The following PTPN14 variants were observed in gnomAD, a reference collection of about 807,000 sequenced individuals.
The protein encoded by PTPN14 is tyrosine-protein phosphatase non-receptor type 14.
In PTPN14, 53 loss-of-function variants were observed where a neutral mutation model predicts 126.8. That is an observed-to-expected ratio of 0.42 (90% CI 0.34 to 0.53). The LOEUF is 0.53. Among genes scored for constraint, PTPN14 ranks in the 20% least tolerant of loss-of-function variants. The pLI is 0.08. For missense variants in PTPN14, 1,257 were observed against 1,552.9 expected, an observed-to-expected ratio of 0.81 and a Z score of 3.20; for synonymous variants, 630 against 599.3, an observed-to-expected ratio of 1.05 and a Z score of -0.75.
chr1:214,456,284 G>A (rs1300158952), intron 2 of PTPN14, among the ~76,000 whole-genome samples: 1 of 152,128 alleles, frequency 6.6e-6, no homozygotes, highest in Non-Finnish European at 1.5e-5. Flanking sequence ...TATTTCAGCT[G>A]TAAATTAAGA....
At chr1:214,528,912 CAG>C in intron 1 of PTPN14, 1 of 147,986 alleles carries the variant, frequency 6.8e-6, no homozygotes, top group African/African-American at 2.5e-5. Context: ...GCCTGGGTGA[CAG>C]AGCAAGACTC....
At chr1:214,478,993 T>G (rs1398662161) in intron 1 of PTPN14, among the ~76,000 whole-genome samples, 1 of 151,464 alleles carries the variant, frequency 6.6e-6, no homozygotes, top group Non-Finnish European at 1.5e-5. Context: ...AAATACAAAA[T>G]GTACAAAATA....
At chr1:214,441,867 C>G (rs1165362040) in intron 3 of PTPN14, among the ~76,000 whole-genome samples, 1 of 152,196 alleles carries the variant, frequency 6.6e-6, no homozygotes, top group Non-Finnish European at 1.5e-5. Context: ...GACTCATGCT[C>G]TATTACAAAT....
At chr1:214,429,657 T>C (rs867937821) in intron 3 of PTPN14, among the ~76,000 whole-genome samples, 25 of 152,244 alleles carry the variant, frequency 1.6e-4, no homozygotes, top group African/African-American at 5.3e-4. Flanking sequence ...AGTAAACTTA[T>C]TGAATGCATG....
At chr1:214,454,716 T>G (rs1482506556) in intron 2 of PTPN14, among the ~76,000 whole-genome samples, 2 of 152,184 alleles carry the variant, frequency 1.3e-5, no homozygotes, top group Non-Finnish European at 2.9e-5. Flanking sequence ...ACCTAATTCA[T>G]GGCATAAATT....
chr1:214,404,619 T>C (rs924573199), intron 5 of PTPN14, among the ~76,000 whole-genome samples: 3 of 152,192 alleles, frequency 2.0e-5, no homozygotes, highest in African/African-American at 4.8e-5. Context: ...CCCTCTGCTA[T>C]TGTTCTCAAC....
At chr1:214,532,277 G>C (rs1655569408) in intron 1 of PTPN14, 1 of 461,548 alleles carries the variant, frequency 2.2e-6, no homozygotes, top group Non-Finnish European at 4.1e-6. Flanking sequence ...TCAACAGCGT[G>C]GCCAGAGCCT....
intron 1 of PTPN14, among the ~76,000 whole-genome samples, chr1:214,495,326 T>A (rs1315832667): frequency 6.6e-6 from 1 of 152,210 alleles, no homozygotes; most frequent in Non-Finnish European, 1.5e-5. Context: ...TCAGAGTCCC[T>A]GGCCCAGATA....
chr1:214,428,949 T>C (rs1217228972), intron 3 of PTPN14, among the ~76,000 whole-genome samples: 1 of 152,238 alleles, frequency 6.6e-6, no homozygotes, highest in East Asian at 1.9e-4. Flanking sequence ...ATATAGTTAC[T>C]AAGCCATGCA....
At chr1:214,425,816 T>C (rs1279198228) in intron 3 of PTPN14, among the ~76,000 whole-genome samples, 1 of 152,148 alleles carries the variant, frequency 6.6e-6, no homozygotes, top group Non-Finnish European at 1.5e-5. Flanking sequence ...GCAGTTGTTT[T>C]CCAAGAATTG....
chr1:214,467,730 A>T (rs57823356), intron 1 of PTPN14, among the ~76,000 whole-genome samples: 154 of 152,360 alleles, frequency 1.0e-3, no homozygotes, highest in African/African-American at 3.6e-3. Flanking sequence ...AAAGTACATT[A>T]TCTACTGAAA....
intron 5 of PTPN14, among the ~76,000 whole-genome samples, chr1:214,404,823 T>C (rs1659124574): frequency 6.6e-6 from 1 of 152,204 alleles, no homozygotes; most frequent in African/African-American, 2.4e-5. Context: ...ATTCAATTAC[T>C]TCATAAGATC....
In PTPN14 at chr1:214,503,333, G is replaced by C. The variant is rs79287044; in HGVS notation, c.-154-38376C>G. ...TTGAAGATGAAGTAGGAAAGACGTT[G>C]ACTTCTTTTTTAGATATGGCATCTT... On this transcript the variant is annotated intron_variant, in intron 1 of 18. Coordinates refer to ENST00000366956, the MANE Select transcript of PTPN14 (RefSeq NM_005401.5). 2.4e-3 allele frequency among the ~76,000 whole-genome samples: 370 copies of C among 152,280 alleles called. 4 individuals are homozygous for C. The East Asian group carries it at 0.027, about 11-fold the overall frequency.
rs555642379 is a variant in PTPN14, at chr1:214,421,758, C to T, written c.345-7032G>A. Among the ~76,000 whole-genome samples the T allele has an allele frequency of 1.6e-4, 24 of 152,220 alleles. No individual in the cohort carries two copies. In the East Asian group the frequency reaches 4.4e-3, roughly 28 times the overall value. Reference sequence around the variant, plus strand: ...GCTGTCGTAAGTGTGCGGTGCTCCCCAATAGTTGCCATGTTCTTTCCTGCC... The same window carrying T: ...GCTGTCGTAAGTGTGCGGTGCTCCCTAATAGTTGCCATGTTCTTTCCTGCC... On this transcript the variant is annotated intron_variant, in intron 3 of 18. Transcript: ENST00000366956.
chr1:214,361,333 A>C, intron 18 of PTPN14, among the ~76,000 whole-genome samples: 1 of 152,080 alleles, frequency 6.6e-6, no homozygotes, highest in Non-Finnish European at 1.5e-5. Flanking sequence ...CTCCACCACC[A>C]CATCCTCCTC....
At chr1:214,465,335 C>T (rs12757776) in intron 1 of PTPN14, among the ~76,000 whole-genome samples, 125,744 of 152,030 alleles carry the variant, frequency 0.83, 52,103 homozygotes, top group African/African-American at 0.89. Flanking sequence ...GGAGGCTGGG[C>T]GTGGTGGCTC....
intron 17 of PTPN14, among the ~76,000 whole-genome samples, chr1:214,366,326 T>A (rs998307298): frequency 6.6e-6 from 1 of 152,224 alleles, no homozygotes; most frequent in Non-Finnish European, 1.5e-5. Context: ...AACTGAGTAT[T>A]CTATCTGACC....
chr1:214,369,504 G>A lies in PTPN14; in HGVS notation c.3224C>T (p.Thr1075Ile), dbSNP rs149517226. 202 of 1,614,194 alleles carry A rather than the reference G, an allele frequency of 1.3e-4. No homozygotes were observed. The African/African-American group carries it at 2.3e-3, about 19-fold the overall frequency. Reference sequence around the variant, plus strand: ...TGGACAGCCGTGATCTGGCCAGTCAGTATATTGTAAATGCCACACCGTCCT... The same window carrying A: ...TGGACAGCCGTGATCTGGCCAGTCAATATATTGTAAATGCCACACCGTCCT... ...QERTVWHLQYTDWPDHGCPED... is the reference protein window; with the variant it reads ...QERTVWHLQYIDWPDHGCPED... Residue 1075 changes from threonine (T) to isoleucine (I), a missense_variant, in exon 17 of 19, where the codon ACT becomes ATT. Thr to Ile is a moderately conservative substitution (Grantham distance 89). Around this residue, in one of 3 missense-constraint regions of PTPN14, gnomAD observed 171 missense variants for 229.8 expected, o/e 0.74. Transcript: ENST00000366956.
chr1:214,521,251 C>T (rs76672923), intron 1 of PTPN14, among the ~76,000 whole-genome samples: 4,213 of 152,298 alleles, frequency 0.028, 182 homozygotes, highest in African/African-American at 0.096. Context: ...GCTGTTTTCA[C>T]AAAGTACTTG....
Sources: gnomAD v4.1 joint callset for allele counts (sites outside exome capture counted in the v4.1 genomes callset) on GRCh38, gnomAD v4.1.1 for gene constraint, gnomAD v4.1.1 regional missense constraint, MANE v1.5 for transcripts, NCBI Gene and HGNC (gene_info 2026-07-23, HGNC 2026-07-21) for gene names.